Variants in VPS26A observed in about 807,000 individuals in gnomAD.
The protein encoded by VPS26A is VPS26 retromer complex component A.
A neutral mutation model predicts 42.4 loss-of-function variants in VPS26A; 22 were observed. The observed-to-expected ratio is 0.52, with a 90% CI of 0.37 to 0.74. The LOEUF is 0.74. Among genes scored for constraint, VPS26A ranks in the 30% least tolerant of loss-of-function variants. The pLI is 0.00. For synonymous variants in VPS26A, 110 were observed against 123.5 expected (o/e 0.89, Z 0.73); for missense variants, 276 against 379.2 (o/e 0.73, Z 2.26).
At chr10:69,136,886 G>A (rs972589070) in intron 2 of VPS26A, among the ~76,000 whole-genome samples, 3 of 151,870 alleles carry the variant, frequency 2.0e-5, no homozygotes, top group African/African-American at 7.3e-5. Context: ...CCACCTCCCG[G>A]ATTCAAGTGA....
rs2132245539 is a variant in VPS26A at position 69,171,363 on chromosome 10, A to G, written c.*94A>G. On this transcript the variant is annotated 3_prime_UTR_variant, in exon 9 of 9. Transcript: ENST00000263559. ...AGATGGTTGCAGCTGGAGGGGGCGG[A>G]AAAAGGCCAAAACTCCATATATGTT... 6 of 976,190 alleles carry G rather than the reference A, an allele frequency of 6.1e-6. No homozygotes were observed. The highest frequency in any genetic ancestry group is 9.3e-6 in the Non-Finnish European group (6 of 644,270). 60.5% of individuals were successfully genotyped at this position (976,190 alleles called of 1,614,324 possible).
intron 2 of VPS26A, among the ~76,000 whole-genome samples, chr10:69,154,323 G>A (rs1841382649): frequency 6.6e-6 from 1 of 152,044 alleles, no homozygotes; most frequent in African/African-American, 2.4e-5. Context: ...GATCACCTGA[G>A]GTCAGGAGTT....
chr10:69,129,568 A>C (rs1429615431), intron 1 of VPS26A, among the ~76,000 whole-genome samples: 1 of 151,822 alleles, frequency 6.6e-6, no homozygotes, highest in Non-Finnish European at 1.5e-5. Flanking sequence ...TTTTTTTTTA[A>C]ACAGAGTCTC....
At chr10:69,132,850 A>G (rs779498592) in intron 1 of VPS26A, 48 bp from the exon 2 acceptor site, 14 of 1,517,184 alleles carry the variant, frequency 9.2e-6, no homozygotes, top group African/African-American at 1.4e-5. Flanking sequence ...TATAAAATGT[A>G]GTGACTGACT....
chr10:69,170,144 T>C (rs944606709), intron 8 of VPS26A: 2 of 152,218 alleles, frequency 1.3e-5, no homozygotes, highest in African/African-American at 4.8e-5. Context: ...ATAAACATGA[T>C]CTGTCCTCCA....
Position 69,171,842 on chromosome 10 carries a change from T to C in VPS26A, c.*573T>C, listed in dbSNP as rs1841823298. On this transcript the variant is annotated 3_prime_UTR_variant, in exon 9 of 9. Coordinates refer to ENST00000263559, the MANE Select transcript of VPS26A (RefSeq NM_004896.5). ...TGGAGTGTTTCACCGCAGGCACTTC[T>C]GAGTACCATTCCATGGCTTCCAGAA... 1 of 152,668 alleles carries C rather than the reference T, an allele frequency of 6.6e-6. No homozygotes were observed. The highest frequency in any genetic ancestry group is 6.5e-5 in the Admixed American group (1 of 15,290). 9.5% of individuals were successfully genotyped at this position (152,668 alleles called of 1,614,324 possible).
At chr10:69,168,711 T>G in intron 8 of VPS26A, 80 bp downstream of exon 8, 1 of 1,518,526 alleles carries the variant, frequency 6.6e-7, no homozygotes, top group South Asian at 1.3e-5. Flanking sequence ...AGCTTCACTG[T>G]ACTGAGCGAG....
chr10:69,168,440 A>T (rs1393720322), intron 7 of VPS26A, 49 bp from the exon 8 acceptor site: 1 of 1,582,078 alleles, frequency 6.3e-7, no homozygotes, highest in African/African-American at 1.4e-5. Flanking sequence ...CTGTTATGTG[A>T]CTATATTTAA....
At chr10:69,136,861 G>A (rs1188972647) in intron 2 of VPS26A, among the ~76,000 whole-genome samples, 1 of 151,762 alleles carries the variant, frequency 6.6e-6, no homozygotes, top group African/African-American at 2.4e-5. Context: ...GCGTGATCTC[G>A]GCTCACTGCA....
At chr10:69,133,311 A>C (rs1840828410) in intron 2 of VPS26A, among the ~76,000 whole-genome samples, 1 of 152,084 alleles carries the variant, frequency 6.6e-6, no homozygotes, top group Non-Finnish European at 1.5e-5. Context: ...TTCATGAAAA[A>C]AAAAATATTT....
intron 3 of VPS26A, among the ~76,000 whole-genome samples, chr10:69,156,727 A>T (rs1841435982): frequency 6.6e-6 from 1 of 152,182 alleles, no homozygotes; most frequent in Non-Finnish European, 1.5e-5. Flanking sequence ...AATTGCTGGT[A>T]ATGTGTCAAA....
chr10:69,141,275 A>G (rs1180360164), intron 2 of VPS26A, among the ~76,000 whole-genome samples: 2 of 152,240 alleles, frequency 1.3e-5, no homozygotes, highest in African/African-American at 2.4e-5. Context: ...CTTAAAAACA[A>G]CAGTGGCAGT....
chr10:69,147,274 A>G (rs892891622), intron 2 of VPS26A, among the ~76,000 whole-genome samples: 2 of 151,704 alleles, frequency 1.3e-5, no homozygotes, highest in Non-Finnish European at 1.5e-5. Context: ...TTTTCTTTTT[A>G]TGGTTGAGTT....
intron 6 of VPS26A, among the ~76,000 whole-genome samples, chr10:69,163,150 T>C (rs1841599001): frequency 6.6e-6 from 1 of 152,228 alleles, no homozygotes; most frequent in African/African-American, 2.4e-5. Context: ...ATACTAAAAT[T>C]GAACCAGTCT....
At chr10:69,153,586 TTAAG>T (rs1365408256) in intron 2 of VPS26A, among the ~76,000 whole-genome samples, 1 of 151,462 alleles carries the variant, frequency 6.6e-6, no homozygotes, top group Non-Finnish European at 1.5e-5. Context: ...CTGACCTTAA[TTAAG>T]CAGCCTTCCT....
intron 1 of VPS26A, among the ~76,000 whole-genome samples, chr10:69,129,922 G>A (rs757966885): frequency 2.0e-5 from 3 of 152,154 alleles, no homozygotes; most frequent in Non-Finnish European, 4.4e-5. Context: ...CAGGATTTAG[G>A]AAAACATCTC....
Position 69,171,373 on chromosome 10 carries a change from A to T in VPS26A, c.*104A>T. On this transcript the variant is annotated 3_prime_UTR_variant, in exon 9 of 9. Transcript: ENST00000263559. The stretch of plus-strand genomic sequence containing the variant: ...AGCTGGAGGGGGCGGAAAAAGGCCA[A>T]AACTCCATATATGTTAGTCTTCCTT... 1.2e-6 allele frequency: 1 copy of T among 852,952 alleles called. No homozygotes were observed. The highest frequency in any genetic ancestry group is 1.9e-6 in the Non-Finnish European group (1 of 531,408). 52.8% of individuals were successfully genotyped at this position (852,952 alleles called of 1,614,324 possible).
intron 5 of VPS26A, among the ~76,000 whole-genome samples, chr10:69,160,003 G>C (rs1367833572): frequency 6.6e-6 from 1 of 151,826 alleles, no homozygotes; most frequent in Non-Finnish European, 1.5e-5. Flanking sequence ...TCACTCCCAG[G>C]TTTATATCAC....
At chr10:69,127,672 A>T (rs1187982535) in intron 1 of VPS26A, among the ~76,000 whole-genome samples, 3 of 151,294 alleles carry the variant, frequency 2.0e-5, no homozygotes, top group Non-Finnish European at 2.9e-5. Context: ...TAGGCTTTTT[A>T]AAAATGCCAT....
Sources: allele counts gnomAD v4.1 joint callset (sites outside exome capture counted in the v4.1 genomes callset), GRCh38; gene constraint gnomAD v4.1.1; transcripts MANE v1.5; gene names NCBI Gene and HGNC (gene_info 2026-07-23, HGNC 2026-07-21).